TMED5: variants seen among roughly 807,000 people sequenced by gnomAD.
TMED5 encodes transmembrane emp24 domain-containing protein 5.
Under a neutral mutation model 23.0 loss-of-function variants are expected in TMED5, and 27 were observed. The ratio of observed to expected loss-of-function variants is 1.17; its 90% CI spans 0.86 to 1.62. The LOEUF (loss-of-function observed/expected upper bound fraction) is 1.62. Among genes scored for constraint, TMED5 ranks in the 40% most tolerant of loss-of-function variants. The probability of loss-of-function intolerance (pLI) is 0.00; values close to 1 mark genes in which losing one functional copy is unlikely to be tolerated. For missense variants in TMED5, 248 were observed against 273.7 expected, an observed-to-expected ratio of 0.91 and a Z score of 0.66; for synonymous variants, 97 against 100.8, an observed-to-expected ratio of 0.96 and a Z score of 0.23.
Position 93,180,144 on chromosome 1 carries a change from A to G in TMED5, c.99T>C (p.Asp33=). The G allele has an allele frequency of 6.2e-7, 1 of 1,613,666 alleles. No homozygotes were observed. Among genetic ancestry groups the G allele is most frequent in the Non-Finnish European group, 8.5e-7 (1 of 1,179,796 alleles). ...PGAAGFTPSL[D]SDFTFTLPAG... ...CGGGAAGGGTAAAGGTGAAGTCGCTATCGAGGGAAGGTGTGAAGCCGGCCG... is the reference window on the plus strand; with the variant it reads ...CGGGAAGGGTAAAGGTGAAGTCGCTGTCGAGGGAAGGTGTGAAGCCGGCCG... Residue 33 remains aspartate, a synonymous_variant, in exon 1 of 4, where the codon GAT becomes GAC. Transcript: ENST00000370282.
chr1:93,175,139 TTATA>T (rs1023667131), intron 1 of TMED5, among the ~76,000 whole-genome samples: 2 of 136,328 alleles, frequency 1.5e-5, no homozygotes, highest in African/African-American at 2.9e-5. Flanking sequence ...ACCCAGCCAT[TTATA>T]TATATATATT....
chr1:93,154,880 G>A lies in TMED5; in HGVS notation c.480C>T (p.Ile160=), dbSNP rs1648006694. 6.3e-7 allele frequency: 1 copy of A among 1,592,482 alleles called. No individual in the cohort carries two copies. The highest frequency in any genetic ancestry group is 8.6e-7 in the Non-Finnish European group (1 of 1,164,930). The change falls in exon 4 of 4, where the codon ATC becomes ATT. Residue 160 remains isoleucine (I), a synonymous_variant. Transcript: ENST00000370282. Reference sequence around the variant, plus strand: ...TGCTTAGTCTGGACTTGATGCTGTTGATGGATTCCTGGAGATAAATAAAAT... The same window carrying A: ...TGCTTAGTCTGGACTTGATGCTGTTAATGGATTCCTGGAGATAAATAAAAT... The part of the protein sequence containing the change: ...DMKLEDILES[I]NSIKSRLSKS...
At chr1:93,165,335 C>T (rs1054708491) in intron 1 of TMED5, among the ~76,000 whole-genome samples, 3 of 152,114 alleles carry the variant, frequency 2.0e-5, no homozygotes, top group Non-Finnish European at 4.4e-5. Context: ...GAAGAGAAAA[C>T]AATCTTTTAT....
rs1347885329 is a variant in TMED5, at chr1:93,149,967, A to G, written c.*4703T>C. The G allele has an allele frequency of 6.6e-6, 1 of 152,206 alleles. No homozygotes were observed. The highest frequency in any genetic ancestry group is 6.5e-5 in the Admixed American group (1 of 15,282). The allele number at this position is 152,206 out of a possible 1,614,324, so 9.4% of individuals were successfully genotyped here. On this transcript the variant is annotated 3_prime_UTR_variant, in exon 4 of 4. Coordinates refer to ENST00000370282, the MANE Select transcript of TMED5 (RefSeq NM_016040.5). ...GGAGTTCGAGACCAGCCTGGGCAAC[A>G]TGGCGAAATTAATTAGTCAGAAATA...
rs1411470738 is a variant in TMED5 at position 93,154,493 on chromosome 1, G to C, written c.*177C>G. The C allele has an allele frequency of 2.0e-5, 12 of 597,670 alleles. No individual in the cohort carries two copies. The highest frequency in any genetic ancestry group is 3.2e-5 in the Non-Finnish European group (11 of 339,542). 37.0% of individuals were successfully genotyped at this position (597,670 alleles called of 1,614,324 possible). ...CCTGTTACACACTTAAGTACAACTGGATCAGCAGGATTACTTGCACAGAAA... is the reference window on the plus strand; with the variant it reads ...CCTGTTACACACTTAAGTACAACTGCATCAGCAGGATTACTTGCACAGAAA... On this transcript the variant is annotated 3_prime_UTR_variant, in exon 4 of 4. Transcript: ENST00000370282.
intron 1 of TMED5, among the ~76,000 whole-genome samples, chr1:93,179,181 G>A (rs2783496): frequency 0.094 from 14,317 of 152,056 alleles, 901 homozygotes; most frequent in East Asian, 0.28. Flanking sequence ...GGCCAACATG[G>A]TGAAACCCCG....
rs1031668534 is a variant in TMED5, at chr1:93,164,826, C to T, written c.190-4600G>A. Among the ~76,000 whole-genome samples the T allele has an allele frequency of 5.9e-5, 9 of 152,200 alleles. 1 individual carries two copies. The highest frequency in any genetic ancestry group is 2.2e-4 in the African/African-American group (9 of 41,436). ...TCCCTGCCTTTCTGATATTCATACA[C>T]TTGTGTAATAAATACAACATGGCAA... On this transcript the variant is annotated intron_variant, in intron 1 of 3. Transcript: ENST00000370282.
Position 93,154,847 on chromosome 1 carries a change from C to T in TMED5, c.513G>A (p.Gly171=), listed in dbSNP as rs771569115. Residue 171 remains glycine, a synonymous_variant, in exon 4 of 4, where the codon GGG becomes GGA. Coordinates refer to ENST00000370282, the MANE Select transcript of TMED5 (RefSeq NM_016040.5). ...NSIKSRLSKS[G]HIQTLLRAFE... ...ATGCTCTAAGCAGAGTTTGTATGTG[C>T]CCACTTTTGCTTAGTCTGGACTTGA... 6.2e-7 allele frequency: 1 copy of T among 1,613,698 alleles called. No homozygotes were observed. Among genetic ancestry groups the T allele is most frequent in the East Asian group, 2.2e-5 (1 of 44,874 alleles).
At chr1:93,171,352 C>T (rs972380499) in intron 1 of TMED5, among the ~76,000 whole-genome samples, 7 of 152,196 alleles carry the variant, frequency 4.6e-5, no homozygotes, top group South Asian at 4.1e-4. Context: ...TAACACTCAC[C>T]GCGAGGGTCC....
chr1:93,171,108 TAACACTC>T (rs953405308), intron 1 of TMED5, among the ~76,000 whole-genome samples: 1 of 152,170 alleles, frequency 6.6e-6, no homozygotes, highest in Non-Finnish European at 1.5e-5. Flanking sequence ...TTATGAGCTG[TAACACTC>T]ACCACGAAGG....
rs1553158482 is a variant in TMED5 at position 93,154,457 on chromosome 1, T to TGCAAAATATTCC, written c.*201_*212dup. The TGCAAAATATTCC allele has an allele frequency of 1.8e-6, 1 of 562,984 alleles. No individual in the cohort carries two copies. The highest frequency in any genetic ancestry group is 3.1e-6 in the Non-Finnish European group (1 of 320,048). 34.9% of individuals were successfully genotyped at this position (562,984 alleles called of 1,614,324 possible). Reference sequence around the variant, plus strand: ...GCTTCATTCAGTTAAACCTATATTCTGCAAAATATTCCTGTTACACACTTA... The same window carrying TGCAAAATATTCC: ...GCTTCATTCAGTTAAACCTATATTCTGCAAAATATTCCGCAAAATATTCCTGTTACACACTTA... On this transcript the variant is annotated 3_prime_UTR_variant, in exon 4 of 4. Transcript: ENST00000370282.
At chr1:93,176,987 G>A (rs903999206) in intron 1 of TMED5, among the ~76,000 whole-genome samples, 2 of 152,174 alleles carry the variant, frequency 1.3e-5, no homozygotes, top group Non-Finnish European at 2.9e-5. Flanking sequence ...TCAATATAAT[G>A]TGAGGCTAGT....
In TMED5 at chr1:93,154,366, T is replaced by A. The variant is rs1647980665; in HGVS notation, c.*304A>T. ...GTGTTGCAATTAGGCCCAATACTCA[T>A]TTATTTAAATCACCTAAGACATTTG... On this transcript the variant is annotated 3_prime_UTR_variant, in exon 4 of 4. Transcript: ENST00000370282. 1 of 296,286 alleles carries A rather than the reference T, an allele frequency of 3.4e-6. No individual in the cohort carries two copies. The allele number at this position is 296,286 out of a possible 1,614,324, so 18.4% of individuals were successfully genotyped here. A position where few individuals can be genotyped will look rare whatever the true frequency, so the allele number is the denominator to read the frequency against.
chr1:93,160,623 C>T (rs975706351), intron 1 of TMED5: 4 of 157,782 alleles, frequency 2.5e-5, no homozygotes, highest in South Asian at 1.9e-4. Flanking sequence ...TTTGGGAGGC[C>T]GAGGCAGGTG....
At chr1:93,170,274 G>T (rs986559087) in intron 1 of TMED5, among the ~76,000 whole-genome samples, 1 of 152,214 alleles carries the variant, frequency 6.6e-6, no homozygotes, top group Non-Finnish European at 1.5e-5. Flanking sequence ...GGAGGGAGAG[G>T]CGCGGGTGGG....
chr1:93,155,154 A>G (rs908143126), intron 3 of TMED5, among the ~76,000 whole-genome samples: 2 of 152,168 alleles, frequency 1.3e-5, no homozygotes, highest in Non-Finnish European at 2.9e-5. Flanking sequence ...TGAGTCCAGG[A>G]GGTTGAGATT....
chr1:93,157,660 C>CCAT (rs1648122711), intron 2 of TMED5, among the ~76,000 whole-genome samples: 1 of 152,036 alleles, frequency 6.6e-6, no homozygotes, highest in Non-Finnish European at 1.5e-5. Flanking sequence ...TATGGTCACA[C>CCAT]CATTGCACTC....
chr1:93,178,364 C>G (rs113190907), intron 1 of TMED5, among the ~76,000 whole-genome samples: 178 of 152,258 alleles, frequency 1.2e-3, no homozygotes, highest in African/African-American at 4.1e-3. Flanking sequence ...TGAAATGCCC[C>G]TTGTTCCTGG....
Position 93,154,624 on chromosome 1 carries a change from A to G in TMED5, c.*46T>C. On this transcript the variant is annotated 3_prime_UTR_variant, in exon 4 of 4. Transcript: ENST00000370282. ...GGTCTTGACTGTAACAGTTTATTGC[A>G]TTTTTATGCCTCATTTTTCAATGTT... 2 of 1,416,782 alleles carry G rather than the reference A, an allele frequency of 1.4e-6. No homozygotes were observed. Among genetic ancestry groups the G allele is most frequent in the Non-Finnish European group, 2.0e-6 (2 of 1,014,620 alleles). The allele number at this position is 1,416,782 out of a possible 1,614,324, so 87.8% of individuals were successfully genotyped here.
Sources: allele counts gnomAD v4.1 joint callset (sites outside exome capture counted in the v4.1 genomes callset), GRCh38; gene constraint gnomAD v4.1.1; transcripts MANE v1.5; gene names NCBI Gene and HGNC (gene_info 2026-07-23, HGNC 2026-07-21).